AMOTL1: variants seen among roughly 807,000 people sequenced by gnomAD.
The protein encoded by AMOTL1 is angiomotin like 1, also known as angiomotin-like protein 1.
Under a neutral mutation model 102.9 loss-of-function variants are expected in AMOTL1, and 45 were observed. The ratio of observed to expected loss-of-function variants is 0.44; its 90% CI spans 0.34 to 0.56. AMOTL1 has a LOEUF of 0.56. Ranked by LOEUF, AMOTL1 falls within the 20% of genes least tolerant of loss-of-function variation. The pLI is 0.01. For missense variants in AMOTL1, 1,114 were observed against 1,225.6 expected (o/e 0.91, Z 1.36); for synonymous variants, 481 against 484.7 (o/e 0.99, Z 0.10).
chr11:94,795,966 C>T (rs1012914928), intron 2 of AMOTL1, among the ~76,000 whole-genome samples: 11 of 152,152 alleles, frequency 7.2e-5, no homozygotes, highest in South Asian at 6.2e-4. Flanking sequence ...AACTATAACA[C>T]GTTTTCAGTA....
At chr11:94,801,451 T>A (rs1951476770) in intron 3 of AMOTL1, among the ~76,000 whole-genome samples, 1 of 152,134 alleles carries the variant, frequency 6.6e-6, no homozygotes, top group South Asian at 2.1e-4. Flanking sequence ...GAGTTTAGAA[T>A]GTATCCATAA....
At chr11:94,720,905 C>T (rs973317566) in intron 1 of AMOTL1, among the ~76,000 whole-genome samples, 1 of 152,066 alleles carries the variant, frequency 6.6e-6, no homozygotes, top group Non-Finnish European at 1.5e-5. Context: ...GTGGATGGAA[C>T]ATAAACCATG....
At chr11:94,709,086 A>G (rs1027922070) in intron 1 of AMOTL1, among the ~76,000 whole-genome samples, 5 of 152,204 alleles carry the variant, frequency 3.3e-5, no homozygotes, top group Admixed American at 2.6e-4. Context: ...TCATTAATCA[A>G]GCATTTATTG....
At position 94,839,756 on chromosome 11, in the gene AMOTL1, G is replaced by A. The variant is rs368949313; in HGVS notation, c.1648+8215G>A. On this transcript the variant is annotated intron_variant, in intron 6 of 12. Coordinates refer to ENST00000433060, the MANE Select transcript of AMOTL1 (RefSeq NM_130847.3). ...CCTTTTCCAAAAGGTCAATTTTGTC[G>A]GCTCTGGGATTGACCGAGGATTTCA... 1.2e-3 allele frequency among the ~76,000 whole-genome samples: 179 copies of A among 152,180 alleles called. 5 individuals carry two copies. In the South Asian group the frequency reaches 0.034, roughly 29 times the overall value.
intron 3 of AMOTL1, among the ~76,000 whole-genome samples, chr11:94,809,835 C>A (rs1175857568): frequency 6.8e-6 from 1 of 146,510 alleles, no homozygotes; most frequent in East Asian, 2.1e-4. Context: ...CTTGAAAAAG[C>A]ATTTGGCTCA....
At chr11:94,807,622 T>C (rs1951588845) in intron 3 of AMOTL1, among the ~76,000 whole-genome samples, 1 of 152,208 alleles carries the variant, frequency 6.6e-6, no homozygotes, top group Admixed American at 6.5e-5. Context: ...TTGTAATAGT[T>C]CCTTCCAGTC....
chr11:94,840,786 A>T (rs1418450026), intron 6 of AMOTL1, among the ~76,000 whole-genome samples: 1 of 151,278 alleles, frequency 6.6e-6, no homozygotes, highest in African/African-American at 2.4e-5. Flanking sequence ...AAGTATATAC[A>T]TGTTATATAC....
At chr11:94,870,290 T>C (rs558383048) in intron 12 of AMOTL1, among the ~76,000 whole-genome samples, 109 of 152,278 alleles carry the variant, frequency 7.2e-4, no homozygotes, top group Non-Finnish European at 1.3e-3. Flanking sequence ...CCAAGGGGGT[T>C]GTTTATTTCA....
rs1042118532 is a variant in AMOTL1 at position 94,874,293 on chromosome 11, G to T, written c.*3498G>T. ...AGAGCATGTGCAGAACCCTTTCTTA[G>T]CGTTTTCTTCTCAGCATTTTCTCTG... On this transcript the variant is annotated 3_prime_UTR_variant, in exon 13 of 13. Coordinates refer to ENST00000433060, the MANE Select transcript of AMOTL1 (RefSeq NM_130847.3). The T allele has an allele frequency of 6.6e-6, 1 of 152,254 alleles. No individual in the cohort carries two copies. The highest frequency in any genetic ancestry group is 1.5e-5 in the Non-Finnish European group (1 of 68,062). 9.4% of individuals were successfully genotyped at this position (152,254 alleles called of 1,614,324 possible). A position where few individuals can be genotyped will look rare whatever the true frequency, so the allele number is the denominator to read the frequency against.
Position 94,796,965 on chromosome 11 carries a change from G to T in AMOTL1, c.199+1805G>T, listed in dbSNP as rs1173377626. 6 of 985,076 alleles carry T rather than the reference G, an allele frequency of 6.1e-6. No individual in the cohort carries two copies. In the African/African-American group the frequency reaches 1.0e-4, roughly 17 times the overall value. 61.0% of individuals were successfully genotyped at this position (985,076 alleles called of 1,614,324 possible). ...TTTGTTTTTTTCTCATTTCACTGTA[G>T]ACTGAGAAAAACGAGCGTGGCAGTT... is the stretch of plus-strand genomic sequence containing the variant. On this transcript the variant is annotated intron_variant, in intron 2 of 12. Transcript: ENST00000433060.
intron 6 of AMOTL1, among the ~76,000 whole-genome samples, chr11:94,844,764 T>C (rs1000402125): frequency 2.6e-5 from 4 of 152,198 alleles, no homozygotes; most frequent in African/African-American, 9.7e-5. Context: ...CTTAATACTG[T>C]TACAATGAGG....
intron 2 of AMOTL1, among the ~76,000 whole-genome samples, chr11:94,733,182 CA>C (rs1163449716): frequency 6.6e-6 from 1 of 152,224 alleles, no homozygotes; most frequent in Admixed American, 6.5e-5. Context: ...GCGTTCTATC[CA>C]TTTTACTCCT....
chr11:94,838,527 C>A (rs759733042), intron 6 of AMOTL1, among the ~76,000 whole-genome samples: 5 of 152,164 alleles, frequency 3.3e-5, no homozygotes, highest in Non-Finnish European at 7.3e-5. Flanking sequence ...TAGCCCTGTT[C>A]TAATAAAAAC....
chr11:94,865,927 T>G lies in AMOTL1; in HGVS notation c.2262-15T>G. ...AAGTGGCTTTTTATGGAGACTGTTTTGTTTTGTTTTACAGTATTAAAAATC... is the reference window on the plus strand; with the variant it reads ...AAGTGGCTTTTTATGGAGACTGTTTGGTTTTGTTTTACAGTATTAAAAATC... On this transcript the variant is annotated splice_polypyrimidine_tract_variant and intron_variant, in intron 10 of 12. Transcript: ENST00000433060. 6.2e-7 allele frequency: 1 copy of G among 1,605,986 alleles called. No individual in the cohort carries two copies. Among genetic ancestry groups the G allele is most frequent in the Non-Finnish European group, 8.5e-7 (1 of 1,175,114 alleles).
intron 1 of AMOTL1, among the ~76,000 whole-genome samples, chr11:94,769,281 G>A (rs1468223697): frequency 2.6e-5 from 4 of 152,234 alleles, no homozygotes; most frequent in Non-Finnish European, 4.4e-5. Flanking sequence ...TGTGACATTT[G>A]TGGCAGGAGG....
intron 3 of AMOTL1, among the ~76,000 whole-genome samples, chr11:94,756,704 A>G (rs1011527986): frequency 1.5e-4 from 23 of 152,168 alleles, no homozygotes; most frequent in African/African-American, 5.6e-4. Context: ...CATTATTATT[A>G]TGTCTTAATC....
chr11:94,844,534 A>G (rs1952369455), intron 6 of AMOTL1, among the ~76,000 whole-genome samples: 1 of 152,244 alleles, frequency 6.6e-6, no homozygotes, highest in Non-Finnish European at 1.5e-5. Flanking sequence ...GGGAAGTCCA[A>G]GAGCATGGTG....
In AMOTL1 at chr11:94,859,555, C is replaced by T. The variant is rs756536659; in HGVS notation, c.1975C>T (p.Pro659Ser). 1 of 1,612,910 alleles carries T rather than the reference C, an allele frequency of 6.2e-7. No individual in the cohort carries two copies. Among genetic ancestry groups the T allele is most frequent in the Non-Finnish European group, 8.5e-7 (1 of 1,179,526 alleles). The change falls in exon 9 of 13, where the codon CCG becomes TCG. Residue 659 changes from proline (P) to serine (S), a missense_variant. Pro to Ser is a moderately conservative substitution (Grantham distance 74, BLOSUM62 -1). Transcript: ENST00000433060. ...KHGNGQPANM[P>S]EYNAPALLEL... ...TGGAAATGGCCAGCCAGCCAACATG[C>T]CGGAATACAATGCCCCAGCCCTCCT...
intron 7 of AMOTL1, among the ~76,000 whole-genome samples, chr11:94,852,972 G>C (rs1250424840): frequency 2.0e-5 from 3 of 152,038 alleles, no homozygotes; most frequent in Admixed American, 1.3e-4. Context: ...ATATAGATAA[G>C]CATGCTTAAT....
Sources: gnomAD v4.1 joint callset for allele counts (sites outside exome capture counted in the v4.1 genomes callset) on GRCh38, gnomAD v4.1.1 for gene constraint, MANE v1.5 for transcripts, NCBI Gene and HGNC (gene_info 2026-07-23, HGNC 2026-07-21) for gene names.